CCDC57: variants seen among roughly 807,000 people sequenced by gnomAD.
CCDC57 encodes coiled-coil domain-containing protein 57.
CCDC57 carries 118 observed loss-of-function variants against 118.9 expected under a neutral mutation model. The observed-to-expected ratio is 0.99, with a 90% CI of 0.86 to 1.16. The LOEUF (loss-of-function observed/expected upper bound fraction) is 1.16. CCDC57 is among the 50% of genes most tolerant of loss of function. CCDC57 has a pLI of 0.00. For synonymous variants in CCDC57, 527 were observed against 532.9 expected, an observed-to-expected ratio of 0.99 and a Z score of 0.15; for missense variants, 1,300 against 1,320.7, an observed-to-expected ratio of 0.98 and a Z score of 0.24.
chr17:82,209,903 G>A (rs1300895836), intron 1 of CCDC57, among the ~76,000 whole-genome samples: 2 of 152,188 alleles, frequency 1.3e-5, no homozygotes, highest in Non-Finnish European at 1.5e-5. Context: ...TGGCATCCCA[G>A]TAGCAATATG....
At chr17:82,140,480 C>T (rs2145561140) in intron 16 of CCDC57, among the ~76,000 whole-genome samples, 1 of 152,348 alleles carries the variant, frequency 6.6e-6, no homozygotes, top group Admixed American at 6.5e-5. Context: ...CTCAGCCTCC[C>T]AAAGTGCCGG....
At chr17:82,140,078 C>G (rs188334776) in intron 16 of CCDC57, among the ~76,000 whole-genome samples, 125 of 152,136 alleles carry the variant, frequency 8.2e-4, no homozygotes, top group Non-Finnish European at 1.4e-3. Context: ...GTAAGTGATA[C>G]CTTGTTTTTT....
rs933378121 is a variant in CCDC57, at chr17:82,197,149, C to T, written c.516+1165G>A. ...CTGCACCTGCAGAGACACAGCCCCT[C>T]GTGACTCCTGCAGACGCAGCCCCTC... is the stretch of plus-strand genomic sequence containing the variant. On this transcript the variant is annotated intron_variant, in intron 4 of 19. Coordinates refer to ENST00000665763, the Ensembl canonical transcript of CCDC57. Among the ~76,000 whole-genome samples, 6 of 149,704 alleles carry T rather than the reference C, an allele frequency of 4.0e-5. 1 individual carries two copies. Among genetic ancestry groups the T allele is most frequent in the South Asian group, 4.3e-4 (2 of 4,686 alleles).
intron 9 of CCDC57, 83 bp downstream of exon 8, chr17:82,183,691 G>C (rs2046480097): frequency 7.7e-7 from 1 of 1,298,820 alleles, no homozygotes; most frequent in Non-Finnish European, 1.1e-6. Flanking sequence ...GACTCAATCT[G>C]TTCAGTTTTG....
Position 82,172,725 on chromosome 17 carries a change from G to A in CCDC57, c.1642C>T (p.Gln548Ter). 1 of 1,594,540 alleles carries A rather than the reference G, an allele frequency of 6.3e-7. No individual in the cohort carries two copies. Among genetic ancestry groups the A allele is most frequent in the Non-Finnish European group, 8.5e-7 (1 of 1,170,546 alleles). The change falls in exon 12 of 20, where the codon CAG (glutamine) becomes TAG (stop). Residue 548 changes from glutamine to a stop codon, truncating the protein, a stop_gained. Coordinates refer to ENST00000665763, the Ensembl canonical transcript of CCDC57. LOFTEE classifies it high-confidence loss of function. The surrounding 1 kb of genome is among the most constrained non-coding windows in gnomAD (Gnocchi z 5.2). ...GCTGTCTGGATGGGAGGAGGAATCTGATGGCTTAGAGCCTCCATTTCTTTC... is the reference window on the plus strand; with the variant it reads ...GCTGTCTGGATGGGAGGAGGAATCTAATGGCTTAGAGCCTCCATTTCTTTC...
chr17:82,103,297 G>A (rs1005858197), intron 19 of CCDC57, among the ~76,000 whole-genome samples: 3 of 151,548 alleles, frequency 2.0e-5, no homozygotes, highest in Non-Finnish European at 3.0e-5. Flanking sequence ...GCCCCGTTGG[G>A]GTCACACAGT....
intron 16 of CCDC57, among the ~76,000 whole-genome samples, chr17:82,134,646 T>C (rs1311347022): frequency 6.6e-6 from 1 of 151,846 alleles, no homozygotes; most frequent in Non-Finnish European, 1.5e-5. Context: ...ATACAAAAAT[T>C]AGCTGGGCGT....
At chr17:82,186,758 A>G (rs2046972768) in intron 8 of CCDC57, among the ~76,000 whole-genome samples, 1 of 151,994 alleles carries the variant, frequency 6.6e-6, no homozygotes. Flanking sequence ...TTTAGGCAAC[A>G]TGGAGAAACC....
intron 3 of CCDC57, among the ~76,000 whole-genome samples, chr17:82,199,113 T>C (rs1315723013): frequency 6.6e-6 from 1 of 151,666 alleles, no homozygotes. Context: ...ACAAGGAAGC[T>C]ACAGCAGTCA....
chr17:82,175,727 G>A (rs1035840065), intron 11 of CCDC57: 1 of 152,204 alleles, frequency 6.6e-6, no homozygotes, highest in African/African-American at 2.4e-5. Context: ...GACCTCCTGA[G>A]GCTGTGTCAC....
intron 13 of CCDC57, 108 bp downstream of exon 12, chr17:82,171,593 A>G: frequency 8.1e-7 from 1 of 1,236,640 alleles, no homozygotes; most frequent in East Asian, 2.5e-5. Context: ...CGCCGCCCCA[A>G]CGTCTGCAGT....
intron 14 of CCDC57, among the ~76,000 whole-genome samples, chr17:82,160,700 C>T (rs1211337683): frequency 1.3e-5 from 2 of 152,044 alleles, no homozygotes; most frequent in African/African-American, 4.8e-5. Flanking sequence ...CATGGTAAAA[C>T]CCCATCTCTA....
intron 17 of CCDC57, among the ~76,000 whole-genome samples, chr17:82,131,695 T>G (rs2038392072): frequency 6.6e-6 from 1 of 152,052 alleles, no homozygotes; most frequent in South Asian, 2.1e-4. Context: ...GACGTTGCAA[T>G]AAGCCGAGAC....
chr17:82,127,735 T>A, exon 19 of CCDC57: 1 of 1,611,262 alleles, frequency 6.2e-7, no homozygotes, highest in East Asian at 2.2e-5. Context: ...AAGGGCTGGA[T>A]CCCAGGTCTA....
rs116396087 is a variant in CCDC57 at position 82,204,104 on chromosome 17, G to A, written c.-8-2152C>T. 1.0e-2 allele frequency among the ~76,000 whole-genome samples: 1,519 copies of A among 152,200 alleles called. 19 individuals carry two copies. Among genetic ancestry groups the A allele is most frequent in the African/African-American group, 0.035 (1,458 of 41,512 alleles). On this transcript the variant is annotated intron_variant, in intron 2 of 19. Coordinates refer to ENST00000665763, the Ensembl canonical transcript of CCDC57. ...GGCTCCCTGGGGGTCCTGAGACGGC[G>A]CTTCTCTGACGAGGCTCTGGAGCAA... is the stretch of plus-strand genomic sequence containing the variant.
exon 14 of CCDC57, chr17:82,163,262 G>A (rs1463687109): frequency 6.2e-7 from 1 of 1,614,062 alleles, no homozygotes; most frequent in Non-Finnish European, 8.5e-7. Flanking sequence ...AGCTTCCTGA[G>A]TGCCAGTCCA....
chr17:82,130,815 GGGGGGT>G (rs1181956414), intron 17 of CCDC57, among the ~76,000 whole-genome samples: 6 of 149,072 alleles, frequency 4.0e-5, no homozygotes, highest in African/African-American at 7.4e-5. Context: ...CTTTTTTTTG[GGGGGGT>G]GGGGGTGGGG....
chr17:82,181,250 C>T (rs1431198476), intron 9 of CCDC57, among the ~76,000 whole-genome samples: 1 of 152,230 alleles, frequency 6.6e-6, no homozygotes, highest in African/African-American at 2.4e-5. Flanking sequence ...CTCGTGGGAA[C>T]GAAGCAGCCA....
intron 19 of CCDC57, among the ~76,000 whole-genome samples, chr17:82,115,791 C>A (rs1302968532): frequency 7.3e-6 from 1 of 136,096 alleles, no homozygotes; most frequent in Non-Finnish European, 1.6e-5. Flanking sequence ...ATTTATGCAA[C>A]CTTTTTTTTT....
Sources: gnomAD v4.1 joint callset for allele counts (sites outside exome capture counted in the v4.1 genomes callset) on GRCh38, gnomAD v4.1.1 for gene constraint, Gnocchi (gnomAD v3.1) non-coding constraint, MANE v1.5 for transcripts, NCBI Gene and HGNC (gene_info 2026-07-23, HGNC 2026-07-21) for gene names.